CYP19A1: variants seen among roughly 807,000 people sequenced by gnomAD.
CYP19A1 encodes the protein cytochrome P450 family 19 subfamily A member 1.
In CYP19A1, 32 loss-of-function variants were observed where a neutral mutation model predicts 44.4. That is an observed-to-expected ratio of 0.72 (90% CI 0.54 to 0.97). CYP19A1 has a LOEUF of 0.97. Among genes scored for constraint, CYP19A1 ranks in the 50% least tolerant of loss-of-function variants. The probability of loss-of-function intolerance (pLI) is 0.00; values close to 1 mark genes in which losing one functional copy is unlikely to be tolerated. For missense variants in CYP19A1, 598 were observed against 637.8 expected (o/e 0.94, Z 0.67); for synonymous variants, 212 against 215.6 (o/e 0.98, Z 0.14).
intron 1 of CYP19A1, among the ~76,000 whole-genome samples, chr15:51,270,770 C>T (rs1464800568): frequency 6.6e-6 from 1 of 152,138 alleles, no homozygotes; most frequent in Non-Finnish European, 1.5e-5. Context: ...ATGCTCTTTC[C>T]TCCCACCGCA....
chr15:51,328,831 C>A (rs1453489362), intron 1 of CYP19A1, among the ~76,000 whole-genome samples: 1 of 152,166 alleles, frequency 6.6e-6, no homozygotes, highest in Non-Finnish European at 1.5e-5. Context: ...CTCAAAAAAT[C>A]AGCTGAAGGC....
intron 1 of CYP19A1, among the ~76,000 whole-genome samples, chr15:51,306,391 T>G (rs1465780915): frequency 6.6e-6 from 1 of 152,220 alleles, no homozygotes. Flanking sequence ...GACAGCAGTT[T>G]TTGTTTTTTT....
intron 2 of CYP19A1, among the ~76,000 whole-genome samples, chr15:51,239,943 A>G (rs1045942813): frequency 6.6e-6 from 1 of 152,088 alleles, no homozygotes; most frequent in Non-Finnish European, 1.5e-5. Flanking sequence ...AGAGCTGGGG[A>G]TGGCTATACG....
chr15:51,248,721 C>T (rs117021271), intron 1 of CYP19A1, among the ~76,000 whole-genome samples: 144 of 152,270 alleles, frequency 9.5e-4, no homozygotes, highest in Non-Finnish European at 1.8e-3. Context: ...GTGCTTGTTA[C>T]AAACCTGTTG....
intron 1 of CYP19A1, among the ~76,000 whole-genome samples, chr15:51,310,104 C>G (rs570413810): frequency 6.6e-6 from 1 of 152,260 alleles, no homozygotes; most frequent in Admixed American, 6.5e-5. Context: ...TGGGGAAGCA[C>G]TAACCAAAAA....
chr15:51,264,747 T>A (rs2034855926), intron 1 of CYP19A1, among the ~76,000 whole-genome samples: 1 of 152,080 alleles, frequency 6.6e-6, no homozygotes, highest in African/African-American at 2.4e-5. Context: ...GTAGTAGCAG[T>A]CCCTTGGTTA....
At chr15:51,289,174 C>T (rs760133828) in intron 1 of CYP19A1, among the ~76,000 whole-genome samples, 1 of 152,216 alleles carries the variant, frequency 6.6e-6, no homozygotes, top group Non-Finnish European at 1.5e-5. Flanking sequence ...GGTACTCTCT[C>T]TATGTATATA....
At chr15:51,256,560 A>G (rs1212574387) in intron 1 of CYP19A1, among the ~76,000 whole-genome samples, 1 of 152,192 alleles carries the variant, frequency 6.6e-6, no homozygotes, top group Non-Finnish European at 1.5e-5. Context: ...AAAGGCCAAT[A>G]AAATGCTGTT....
intron 1 of CYP19A1, among the ~76,000 whole-genome samples, chr15:51,280,287 AC>A (rs1453554016): frequency 6.6e-6 from 1 of 151,396 alleles, no homozygotes; most frequent in Non-Finnish European, 1.5e-5. Context: ...TTTAGTAGAG[AC>A]GGGGTTTCAC....
chr15:51,254,679 C>T (rs989811073), intron 1 of CYP19A1, among the ~76,000 whole-genome samples: 12 of 152,058 alleles, frequency 7.9e-5, no homozygotes, highest in African/African-American at 2.9e-4. Context: ...TTTGTCCTTT[C>T]GGGTCGTCCA....
intron 1 of CYP19A1, among the ~76,000 whole-genome samples, chr15:51,281,054 G>A (rs1352752806): frequency 1.3e-5 from 2 of 152,230 alleles, no homozygotes; most frequent in Non-Finnish European, 2.9e-5. Flanking sequence ...TGAGCATCCA[G>A]AGACCCTGAT....
chr15:51,286,017 C>G (rs890775947), intron 1 of CYP19A1, among the ~76,000 whole-genome samples: 2 of 152,164 alleles, frequency 1.3e-5, no homozygotes, highest in Non-Finnish European at 2.9e-5. Flanking sequence ...GCATCTGCGT[C>G]TCCACATGCA....
intron 1 of CYP19A1, among the ~76,000 whole-genome samples, chr15:51,296,946 T>G (rs2036006939): frequency 6.6e-6 from 1 of 152,306 alleles, no homozygotes; most frequent in East Asian, 1.9e-4. Context: ...CAGATAGGAT[T>G]TACAACCTCA....
chr15:51,222,619 C>G, intron 4 of CYP19A1, 94 bp from the exon 5 acceptor site: 1 of 939,014 alleles, frequency 1.1e-6, no homozygotes, highest in African/African-American at 1.6e-5. Context: ...GCTTAATTGT[C>G]CACAATTTTT....
At chr15:51,236,801 G>A in intron 3 of CYP19A1, 58 bp downstream of exon 3, 1 of 1,603,502 alleles carries the variant, frequency 6.2e-7, no homozygotes, top group Non-Finnish European at 8.5e-7. Flanking sequence ...GTTGTCTTAA[G>A]TGGAAAAAAC....
intron 2 of CYP19A1, among the ~76,000 whole-genome samples, chr15:51,241,224 T>A (rs1317725663): frequency 6.6e-6 from 1 of 152,198 alleles, no homozygotes; most frequent in East Asian, 1.9e-4. Context: ...CTGACCTCCT[T>A]GGTCAAGGGT....
intron 1 of CYP19A1, among the ~76,000 whole-genome samples, chr15:51,269,812 C>T (rs369585646): frequency 4.6e-5 from 7 of 152,172 alleles, no homozygotes; most frequent in African/African-American, 1.7e-4. Context: ...CACAACTCGC[C>T]CTTCCCTCTC....
At chr15:51,228,958 G>A (rs965152165) in intron 3 of CYP19A1, among the ~76,000 whole-genome samples, 3 of 152,248 alleles carry the variant, frequency 2.0e-5, no homozygotes, top group South Asian at 2.1e-4. Context: ...TCAGGTTGGA[G>A]AGACTTGCTC....
intron 7 of CYP19A1, among the ~76,000 whole-genome samples, chr15:51,215,493 A>G (rs1251656240): frequency 6.6e-6 from 1 of 152,248 alleles, no homozygotes; most frequent in African/African-American, 2.4e-5. Context: ...AAGAGTCACA[A>G]TCTTAGCAGT....
Sources: gnomAD v4.1 joint callset for allele counts (sites outside exome capture counted in the v4.1 genomes callset) on GRCh38, gnomAD v4.1.1 for gene constraint, MANE v1.5 for transcripts, NCBI Gene and HGNC (gene_info 2026-07-23, HGNC 2026-07-21) for gene names.